Variants in CAMK4 observed in about 807,000 individuals in gnomAD.
CAMK4 encodes the protein calcium/calmodulin-dependent protein kinase type IV.
In CAMK4, 22 loss-of-function variants were observed where a neutral mutation model predicts 44.9. The observed-to-expected ratio is 0.49, with a 90% confidence interval of 0.35 to 0.70. The LOEUF is 0.70. Ranked by LOEUF, CAMK4 falls within the 30% of genes least tolerant of loss-of-function variation. The pLI is 0.01. For missense variants in CAMK4, 498 were observed against 586.8 expected, an observed-to-expected ratio of 0.85 and a Z score of 1.56; for synonymous variants, 218 against 215.4, an observed-to-expected ratio of 1.01 and a Z score of -0.11.
intron 1 of CAMK4, chr5:111,283,001 T>A (rs1751085941): frequency 6.6e-6 from 1 of 152,260 alleles, no homozygotes; most frequent in African/African-American, 2.4e-5. Context: ...TCTCTGCTGC[T>A]GCCCAGCATC....
intron 2 of CAMK4, among the ~76,000 whole-genome samples, chr5:111,354,534 T>C (rs1160161641): frequency 6.6e-6 from 1 of 151,888 alleles, no homozygotes; most frequent in Non-Finnish European, 1.5e-5. Flanking sequence ...GAACGTCACA[T>C]TGTACACTAA....
chr5:111,321,416 A>G (rs1660930), intron 1 of CAMK4, among the ~76,000 whole-genome samples: 76,335 of 151,538 alleles, frequency 0.5, 20,440 homozygotes, highest in South Asian at 0.65. Flanking sequence ...ATAAGCCACC[A>G]ACCTTGCCTC....
At chr5:111,437,310 G>T (rs1405522016) in intron 5 of CAMK4, among the ~76,000 whole-genome samples, 1 of 152,158 alleles carries the variant, frequency 6.6e-6, no homozygotes, top group African/African-American at 2.4e-5. Flanking sequence ...AAAAGGTCTA[G>T]ATTACTATCA....
At chr5:111,373,730 T>G (rs569956474) in intron 2 of CAMK4, among the ~76,000 whole-genome samples, 2 of 152,242 alleles carry the variant, frequency 1.3e-5, no homozygotes, top group Non-Finnish European at 2.9e-5. Flanking sequence ...GGCTGTGAAT[T>G]GCACATAAAC....
In CAMK4 at chr5:111,397,936, A is replaced by C. The variant is rs1752082321; in HGVS notation, c.459+3154A>C. On this transcript the variant is annotated intron_variant, in intron 5 of 10. Transcript: ENST00000282356. ...TTATATCAAAATGAAGTAATCTTCA[A>C]AATAATTGTTCTGAGTGATCTCTAT... Among the ~76,000 whole-genome samples, 4 of 152,118 alleles carry C rather than the reference A, an allele frequency of 2.6e-5. No individual in the cohort carries two copies. In the South Asian group the frequency reaches 8.3e-4, roughly 32 times the overall value.
intron 1 of CAMK4, among the ~76,000 whole-genome samples, chr5:111,295,723 T>G (rs1747453602): frequency 1.3e-5 from 2 of 152,248 alleles, no homozygotes; most frequent in African/African-American, 4.8e-5. Flanking sequence ...TCTAAAACTT[T>G]CATATGCTGG....
At chr5:111,431,410 A>G (rs1580744066) in intron 5 of CAMK4, among the ~76,000 whole-genome samples, 1 of 152,198 alleles carries the variant, frequency 6.6e-6, no homozygotes, top group Non-Finnish European at 1.5e-5. Flanking sequence ...TGAAACTACT[A>G]CAAGAAAACA....
intron 4 of CAMK4, among the ~76,000 whole-genome samples, chr5:111,392,407 A>G (rs141720331): frequency 5.3e-5 from 8 of 152,228 alleles, no homozygotes; most frequent in African/African-American, 1.2e-4. Flanking sequence ...CCATGATCCA[A>G]TCACCTCCCA....
intron 1 of CAMK4, among the ~76,000 whole-genome samples, chr5:111,294,393 T>C (rs1404301845): frequency 2.6e-5 from 4 of 152,246 alleles, no homozygotes; most frequent in Non-Finnish European, 4.4e-5. Flanking sequence ...CACATGTGCA[T>C]ACTTTAAAAA....
chr5:111,379,995 T>C (rs1751353626), intron 4 of CAMK4, among the ~76,000 whole-genome samples: 1 of 152,136 alleles, frequency 6.6e-6, no homozygotes, highest in Admixed American at 6.6e-5. Context: ...ATTTGCACAA[T>C]TATGACATCA....
At chr5:111,417,442 C>T (rs936677795) in intron 5 of CAMK4, among the ~76,000 whole-genome samples, 1 of 152,020 alleles carries the variant, frequency 6.6e-6, no homozygotes, top group Non-Finnish European at 1.5e-5. Context: ...TCTCAAACTC[C>T]TGACCTCAAG....
intron 5 of CAMK4, among the ~76,000 whole-genome samples, chr5:111,438,760 T>C (rs1257970844): frequency 6.6e-6 from 1 of 152,232 alleles, no homozygotes; most frequent in East Asian, 1.9e-4. Flanking sequence ...CAAATGTTTA[T>C]TGGGCATCTA....
In CAMK4 at chr5:111,458,208, G is replaced by A. The variant is rs578043975; in HGVS notation, c.625+9005G>A. Among the ~76,000 whole-genome samples, 65 of 152,336 alleles carry A rather than the reference G, an allele frequency of 4.3e-4. 1 individual carries two copies. In the South Asian group the frequency reaches 0.013, roughly 32 times the overall value. Reference sequence around the variant, plus strand: ...TGCTTGCAGCATCTGAGTCAGTTGAGTAGTGCCAGGTAAAGGAAAAGTAGG... The same window carrying A: ...TGCTTGCAGCATCTGAGTCAGTTGAATAGTGCCAGGTAAAGGAAAAGTAGG... On this transcript the variant is annotated intron_variant, in intron 7 of 10. Transcript: ENST00000282356.
In CAMK4 at chr5:111,485,777, G is replaced by C. The variant is rs866124310; in HGVS notation, c.*1311G>C. 1 of 152,028 alleles carries C rather than the reference G, an allele frequency of 6.6e-6. No homozygotes were observed. Among genetic ancestry groups the C allele is most frequent in the South Asian group, 2.1e-4 (1 of 4,826 alleles). 9.4% of individuals were successfully genotyped at this position (152,028 alleles called of 1,614,324 possible). A position where few individuals can be genotyped will look rare whatever the true frequency, so the allele number is the denominator to read the frequency against. On this transcript the variant is annotated 3_prime_UTR_variant, in exon 11 of 11. Transcript: ENST00000282356. ...CTTAAAAAGCTGGAACATTAGACCT[G>C]ATATTTTATTATGATTTTTCCCAGA...
At chr5:111,479,982 C>A (rs140205531) in intron 9 of CAMK4, among the ~76,000 whole-genome samples, 1 of 151,954 alleles carries the variant, frequency 6.6e-6, no homozygotes, top group South Asian at 2.1e-4. Flanking sequence ...ATAAATAAAT[C>A]GCATCATGTC....
intron 3 of CAMK4, among the ~76,000 whole-genome samples, chr5:111,376,061 G>T (rs560682459): frequency 6.6e-6 from 1 of 151,990 alleles, no homozygotes; most frequent in Non-Finnish European, 1.5e-5. Context: ...ACAATTTGGG[G>T]CTAGATACCA....
chr5:111,328,883 G>A (rs1165772715), intron 1 of CAMK4, among the ~76,000 whole-genome samples: 1 of 152,080 alleles, frequency 6.6e-6, no homozygotes, highest in African/African-American at 2.4e-5. Flanking sequence ...CTTTGCTGAA[G>A]TCGCTTATCA....
intron 1 of CAMK4, among the ~76,000 whole-genome samples, chr5:111,255,836 T>C (rs556538461): frequency 5.3e-5 from 8 of 152,332 alleles, no homozygotes; most frequent in African/African-American, 1.7e-4. Context: ...TTTATACCGC[T>C]TAAAATGCCA....
rs138834876 is a variant in CAMK4 at position 111,474,885 on chromosome 5, G to A, written c.701+1499G>A. Among the ~76,000 whole-genome samples, 553 of 152,216 alleles carry A rather than the reference G, an allele frequency of 3.6e-3. 1 individual carries two copies. Among genetic ancestry groups the A allele is most frequent in the African/African-American group, 0.012 (491 of 41,548 alleles). On this transcript the variant is annotated intron_variant, in intron 8 of 10. Coordinates refer to ENST00000282356, the MANE Select transcript of CAMK4 (RefSeq NM_001744.6). ...TCTTTAGAAAAGCTTGAGAGGGGCC[G>A]GGCACAGTGGCTCACACCTGTAATC...
Sources: allele counts gnomAD v4.1 joint callset (sites outside exome capture counted in the v4.1 genomes callset), GRCh38; gene constraint gnomAD v4.1.1; transcripts MANE v1.5; gene names NCBI Gene and HGNC (gene_info 2026-07-23, HGNC 2026-07-21).